Variants in NRF1 observed in about 807,000 individuals in gnomAD.
NRF1 encodes alpha palindromic-binding protein.
NRF1 carries 5 observed loss-of-function variants against 58.5 expected under a neutral mutation model. That is an observed-to-expected ratio of 0.09 (90% confidence interval 0.04 to 0.18). The LOEUF (loss-of-function observed/expected upper bound fraction) is 0.18. NRF1 is among the 10% of genes least tolerant of loss of function. The pLI is 1.00. For missense variants in NRF1, 288 were observed against 657.7 expected, an observed-to-expected ratio of 0.44 and a Z score of 6.15; for synonymous variants, 224 against 246.7, an observed-to-expected ratio of 0.91 and a Z score of 0.86.
intron 5 of NRF1, among the ~76,000 whole-genome samples, chr7:129,695,754 C>T (rs1225581914): frequency 1.3e-5 from 2 of 150,466 alleles, no homozygotes; most frequent in African/African-American, 2.4e-5. Flanking sequence ...AATATGCCCA[C>T]CTCTGTGTGT....
chr7:129,754,802 AAC>A (rs1584699820), intron 10 of NRF1, among the ~76,000 whole-genome samples: 1 of 152,292 alleles, frequency 6.6e-6, no homozygotes, highest in African/African-American at 2.4e-5. Context: ...CATAAACATG[AAC>A]AGTTACTATA....
rs1562981356 is a variant in NRF1, at chr7:129,717,318, G to A, written c.1165G>A (p.Ala389Thr). Reference protein sequence around the residue: ...TQAVASLAEAAVAASQEMQQG... With the variant: ...TQAVASLAEATVAASQEMQQG... ...GGCGGTGGCATCGTTGGCAGAGGCC[G>A]CAGTGGCAGCTTCTCAGGAGATGCA... The change falls in exon 9 of 11, where the codon GCA becomes ACA. Residue 389 changes from alanine (A) to threonine (T), a missense_variant. By Grantham distance (58) the Ala-to-Thr change is moderately conservative. This residue lies in a region of NRF1 where 212 missense variants were observed against 559.7 expected (regional missense o/e 0.38). Transcript: ENST00000393232. The A allele has an allele frequency of 5.6e-6, 9 of 1,613,942 alleles. No individual in the cohort carries two copies. The highest frequency in any genetic ancestry group is 2.2e-5 in the East Asian group (1 of 44,852).
chr7:129,637,558 A>G (rs1584595665), intron 1 of NRF1, among the ~76,000 whole-genome samples: 1 of 152,248 alleles, frequency 6.6e-6, no homozygotes, highest in Admixed American at 6.5e-5. Flanking sequence ...TTTTGCATAG[A>G]TAAAAAGTAT....
chr7:129,675,983 T>C (rs1437557836), intron 3 of NRF1, among the ~76,000 whole-genome samples: 4 of 152,214 alleles, frequency 2.6e-5, no homozygotes, highest in South Asian at 2.1e-4. Context: ...TAGCCACTTA[T>C]CTAGATCTTC....
At chr7:129,689,706 T>C (rs972073405) in intron 4 of NRF1, among the ~76,000 whole-genome samples, 1 of 152,156 alleles carries the variant, frequency 6.6e-6, no homozygotes, top group Non-Finnish European at 1.5e-5. Context: ...CGAACAACAA[T>C]ATCTGGTTCC....
At chr7:129,684,686 A>G (rs1802404903) in intron 4 of NRF1, among the ~76,000 whole-genome samples, 1 of 152,232 alleles carries the variant, frequency 6.6e-6, no homozygotes, top group Admixed American at 6.5e-5. Flanking sequence ...ATGATAAATA[A>G]TCATTGTCTT....
At chr7:129,645,717 G>A (rs1170390229) in intron 1 of NRF1, among the ~76,000 whole-genome samples, 1 of 152,138 alleles carries the variant, frequency 6.6e-6, no homozygotes, top group Non-Finnish European at 1.5e-5. Flanking sequence ...AGGTTTGCAG[G>A]AATGTTAGAC....
chr7:129,732,743 C>T (rs1004649247), intron 10 of NRF1, among the ~76,000 whole-genome samples: 1 of 151,988 alleles, frequency 6.6e-6, no homozygotes, highest in Non-Finnish European at 1.5e-5. Flanking sequence ...GCTGGGATTA[C>T]AGGCATGTAC....
intron 1 of NRF1, among the ~76,000 whole-genome samples, chr7:129,629,171 G>A (rs1164027318): frequency 6.6e-6 from 1 of 152,080 alleles, no homozygotes; most frequent in Admixed American, 6.5e-5. Flanking sequence ...ACCGAGGTCT[G>A]AAGAACAATA....
intron 10 of NRF1, among the ~76,000 whole-genome samples, chr7:129,744,655 T>G (rs1009760587): frequency 6.6e-6 from 1 of 152,208 alleles, no homozygotes; most frequent in African/African-American, 2.4e-5. Context: ...ATGAACTTTA[T>G]TGGGATAGAG....
intron 4 of NRF1, among the ~76,000 whole-genome samples, chr7:129,680,066 AT>A (rs1802272817): frequency 6.6e-6 from 1 of 152,190 alleles, no homozygotes. Flanking sequence ...TCTCAAAAAA[AT>A]AATAATAATA....
chr7:129,638,872 A>G (rs921730536), intron 1 of NRF1, among the ~76,000 whole-genome samples: 2 of 152,146 alleles, frequency 1.3e-5, no homozygotes, highest in Non-Finnish European at 2.9e-5. Flanking sequence ...TTTATGTTCA[A>G]TTACTTTCTA....
chr7:129,732,194 T>C (rs1009244095), intron 10 of NRF1, among the ~76,000 whole-genome samples: 8 of 152,158 alleles, frequency 5.3e-5, no homozygotes, highest in African/African-American at 1.4e-4. Flanking sequence ...TATAGACCTT[T>C]CTCTTCCTTC....
chr7:129,657,784 A>G (rs1007001982), intron 2 of NRF1, among the ~76,000 whole-genome samples: 4 of 151,782 alleles, frequency 2.6e-5, no homozygotes, highest in Non-Finnish European at 5.9e-5. Context: ...TAATTTTTGT[A>G]TATTTTGTAG....
chr7:129,617,230 A>G (rs1355828649), intron 1 of NRF1, among the ~76,000 whole-genome samples: 2 of 152,176 alleles, frequency 1.3e-5, no homozygotes, highest in East Asian at 3.8e-4. Flanking sequence ...GTTTTTTTTA[A>G]AAAGAGCATG....
At chr7:129,663,890 C>T (rs35442760) in intron 2 of NRF1, among the ~76,000 whole-genome samples, 6 of 152,146 alleles carry the variant, frequency 3.9e-5, no homozygotes, top group Non-Finnish European at 7.4e-5. Context: ...CTCGGGAGGC[C>T]GAGGTGGGCA....
At chr7:129,619,644 A>G (rs1347564197) in intron 1 of NRF1, among the ~76,000 whole-genome samples, 1 of 149,216 alleles carries the variant, frequency 6.7e-6, no homozygotes, top group East Asian at 2.0e-4. Context: ...CTGTTCTTCC[A>G]TGTCTCTCTG....
intron 5 of NRF1, among the ~76,000 whole-genome samples, chr7:129,692,792 C>T (rs567931327): frequency 6.6e-6 from 1 of 152,192 alleles, no homozygotes; most frequent in African/African-American, 2.4e-5. Flanking sequence ...ACCCTGCATC[C>T]GTTATTTTGC....
chr7:129,713,066 T>C (rs1803111111), intron 8 of NRF1, among the ~76,000 whole-genome samples: 1 of 151,950 alleles, frequency 6.6e-6, no homozygotes, highest in Non-Finnish European at 1.5e-5. Flanking sequence ...ACACATAATA[T>C]TTATAACATT....
Sources: allele counts gnomAD v4.1 joint callset (sites outside exome capture counted in the v4.1 genomes callset), GRCh38; gene constraint gnomAD v4.1.1; regional missense constraint gnomAD v4.1.1; transcripts MANE v1.5; gene names NCBI Gene and HGNC (gene_info 2026-07-23, HGNC 2026-07-21).